EYA3: variants seen among roughly 807,000 people sequenced by gnomAD.
EYA3 encodes protein phosphatase EYA3.
In EYA3, 39 loss-of-function variants were observed where a neutral mutation model predicts 80.0. The ratio of observed to expected loss-of-function variants is 0.49; its 90% CI spans 0.38 to 0.64. EYA3 has a LOEUF of 0.64. Among genes scored for constraint, EYA3 ranks in the 30% least tolerant of loss-of-function variants. The probability of loss-of-function intolerance (pLI) is 0.00; values close to 1 mark genes in which losing one functional copy is unlikely to be tolerated. For synonymous variants in EYA3, 206 were observed against 232.8 expected (o/e 0.88, Z 1.05); for missense variants, 523 against 676.1 (o/e 0.77, Z 2.51).
chr1:27,977,286 A>G, intron 17 of EYA3: 1 of 1,548,334 alleles, frequency 6.5e-7, no homozygotes, highest in Non-Finnish European at 8.7e-7. Context: ...CCAATCTCAT[A>G]GTTTATTATA....
chr1:27,977,829 T>TA (rs1356055936), intron 17 of EYA3, among the ~76,000 whole-genome samples: 1 of 134,874 alleles, frequency 7.4e-6, no homozygotes, highest in Non-Finnish European at 1.6e-5. Flanking sequence ...GCCTGGGAGA[T>TA]AGAGTGAGAC....
intron 13 of EYA3, among the ~76,000 whole-genome samples, chr1:27,995,159 C>T (rs1263733706): frequency 6.6e-6 from 1 of 151,238 alleles, no homozygotes; most frequent in Non-Finnish European, 1.5e-5. Context: ...AATCCCAGCA[C>T]TTTGGGAGGC....
At chr1:28,053,029 C>T (rs112126923) in intron 2 of EYA3, among the ~76,000 whole-genome samples, 6,028 of 151,540 alleles carry the variant, frequency 0.04, 136 homozygotes, top group Middle Eastern at 0.054. Flanking sequence ...TGGCTCACAC[C>T]TGTAATCCTA....
At chr1:28,063,165 T>C (rs556258649) in intron 1 of EYA3, among the ~76,000 whole-genome samples, 2 of 152,022 alleles carry the variant, frequency 1.3e-5, no homozygotes, top group South Asian at 4.2e-4. Flanking sequence ...GCTAAGTATG[T>C]ACAGAGATAT....
chr1:28,010,753 T>C, intron 10 of EYA3, 194 bp downstream of exon 10: 1 of 555,292 alleles, frequency 1.8e-6, no homozygotes, highest in South Asian at 2.6e-5. Flanking sequence ...GTTTCTGTTC[T>C]CTTCTGGAAT....
At chr1:28,001,706 C>T (rs1342587373) in intron 11 of EYA3, among the ~76,000 whole-genome samples, 1 of 137,964 alleles carries the variant, frequency 7.2e-6, no homozygotes, top group Non-Finnish European at 1.6e-5. Context: ...ACCATGGCAC[C>T]CCAGCCTGGG....
chr1:27,974,558 T>C lies in EYA3; in HGVS notation c.1642-12A>G. The C allele has an allele frequency of 1.2e-6, 2 of 1,608,390 alleles. No homozygotes were observed. The highest frequency in any genetic ancestry group is 1.1e-5 in the South Asian group (1 of 90,938). ...AAAGGCATGTTGTGCTGGAAGAGAGTGGGAATAGCTGGTTAATCCAACTTC... is the reference window on the plus strand; with the variant it reads ...AAAGGCATGTTGTGCTGGAAGAGAGCGGGAATAGCTGGTTAATCCAACTTC... On this transcript the variant is annotated splice_polypyrimidine_tract_variant and intron_variant, in intron 17 of 17. Transcript: ENST00000373871.
chr1:27,970,728 G>A lies in EYA3; in HGVS notation c.*3738C>T, dbSNP rs993700573. The A allele has an allele frequency of 6.6e-6, 1 of 152,174 alleles. No homozygotes were observed. The highest frequency in any genetic ancestry group is 2.4e-5 in the African/African-American group (1 of 41,426). 9.4% of individuals were successfully genotyped at this position (152,174 alleles called of 1,614,324 possible). A position where few individuals can be genotyped will look rare whatever the true frequency, so the allele number is the denominator to read the frequency against. Reference sequence around the variant, plus strand: ...CAGATCCTATAGTGTGAATATCTGGGGAGTTCTAACTTCTGGATGAAAAAG... The same window carrying A: ...CAGATCCTATAGTGTGAATATCTGGAGAGTTCTAACTTCTGGATGAAAAAG... On this transcript the variant is annotated 3_prime_UTR_variant, in exon 18 of 18. Transcript: ENST00000373871.
At chr1:28,000,476 C>A (rs895054944) in intron 11 of EYA3, among the ~76,000 whole-genome samples, 7 of 152,030 alleles carry the variant, frequency 4.6e-5, no homozygotes, top group African/African-American at 1.7e-4. Context: ...CCACGCCTGG[C>A]TAATTTTTTG....
intron 16 of EYA3, among the ~76,000 whole-genome samples, chr1:27,981,510 CAT>C (rs1639299785): frequency 6.6e-6 from 1 of 152,150 alleles, no homozygotes. Context: ...GGAGCGCTTT[CAT>C]ATATGTTCCC....
At position 27,974,359 on chromosome 1, in the gene EYA3, CAGAGACACAG is replaced by C. The variant is rs1354752685; in HGVS notation, c.*97_*106del. 5.7e-6 allele frequency: 4 copies of C among 703,872 alleles called. No individual in the cohort carries two copies. The highest frequency in any genetic ancestry group is 1.8e-5 in the African/African-American group (1 of 55,326). 43.6% of individuals were successfully genotyped at this position (703,872 alleles called of 1,614,324 possible). Reference sequence around the variant, plus strand: ...AGAGAGAAAGAGAGAGAGATAGAGACAGAGACACAGAGAGAGACAGACAGAGAAAGTTCTC... The same window carrying C: ...AGAGAGAAAGAGAGAGAGATAGAGACAGAGAGACAGACAGAGAAAGTTCTC... On this transcript the variant is annotated 3_prime_UTR_variant, in exon 18 of 18. Transcript: ENST00000373871.
intron 1 of EYA3, among the ~76,000 whole-genome samples, chr1:28,065,470 A>G (rs1270818406): frequency 1.3e-5 from 2 of 151,762 alleles, no homozygotes; most frequent in African/African-American, 4.8e-5. Flanking sequence ...ACGGGGTTTC[A>G]GCATGTTGAC....
At chr1:28,078,073 ATAAG>A (rs1571972557) in intron 1 of EYA3, among the ~76,000 whole-genome samples, 1 of 152,238 alleles carries the variant, frequency 6.6e-6, no homozygotes, top group East Asian at 1.9e-4. Context: ...ACAGGATAAT[ATAAG>A]TGTTTGTTAA....
chr1:28,021,576 T>G (rs1001464308), intron 7 of EYA3, among the ~76,000 whole-genome samples: 1 of 151,980 alleles, frequency 6.6e-6, no homozygotes, highest in Non-Finnish European at 1.5e-5. Flanking sequence ...ATCTATCTTG[T>G]GTGCACTAAG....
rs1638812894 is a variant in EYA3 at position 27,973,747 on chromosome 1, C to G, written c.*719G>C. The G allele has an allele frequency of 1.3e-5, 2 of 152,188 alleles. No individual in the cohort carries two copies. The highest frequency in any genetic ancestry group is 4.1e-4 in the South Asian group (2 of 4,830). 9.4% of individuals were successfully genotyped at this position (152,188 alleles called of 1,614,324 possible). A position where few individuals can be genotyped will look rare whatever the true frequency, so the allele number is the denominator to read the frequency against. On this transcript the variant is annotated 3_prime_UTR_variant, in exon 18 of 18. Coordinates refer to ENST00000373871, the MANE Select transcript of EYA3 (RefSeq NM_001990.4). ...CATCCTAGAGAGCAGACCACTGGAG[C>G]AGCTATAGAGGTGCTACTGCCACAG...
At chr1:27,990,242 G>A in intron 14 of EYA3, 1 of 181,800 alleles carries the variant, frequency 5.5e-6, no homozygotes, top group South Asian at 1.4e-4. Context: ...GGTGGTGGAG[G>A]CACAGGCCTG....
At chr1:28,002,081 A>T (rs1640898503) in intron 11 of EYA3, among the ~76,000 whole-genome samples, 1 of 150,526 alleles carries the variant, frequency 6.6e-6, no homozygotes, top group South Asian at 2.1e-4. Flanking sequence ...ACGCCCAGCT[A>T]ATTTTGTATT....
intron 16 of EYA3, among the ~76,000 whole-genome samples, chr1:27,981,763 CAAAAAAAAAAA>C (rs373795075): frequency 1.8e-4 from 17 of 96,024 alleles, no homozygotes; most frequent in South Asian, 3.2e-4. Context: ...GACCCTGTCT[CAAAAAAAAAAA>C]AAAAAGAAAA....
chr1:28,001,814 T>C (rs1165833701), intron 11 of EYA3, among the ~76,000 whole-genome samples: 5 of 145,822 alleles, frequency 3.4e-5, no homozygotes, highest in African/African-American at 5.0e-5. Context: ...CACTGCAACC[T>C]CCACCTCCCA....
Sources: allele counts gnomAD v4.1 joint callset (sites outside exome capture counted in the v4.1 genomes callset), GRCh38; gene constraint gnomAD v4.1.1; transcripts MANE v1.5; gene names NCBI Gene and HGNC (gene_info 2026-07-23, HGNC 2026-07-21).